Variants in PDZD7 observed in about 807,000 individuals in gnomAD.
PDZD7 encodes PDZ domain-containing protein 7.
In PDZD7, 72 loss-of-function variants were observed where a neutral mutation model predicts 84.7. The ratio of observed to expected loss-of-function variants is 0.85; its 90% confidence interval spans 0.70 to 1.03. The LOEUF (loss-of-function observed/expected upper bound fraction) is 1.03. Ranked by LOEUF, PDZD7 falls within the 50% of genes least tolerant of loss-of-function variation. The probability of loss-of-function intolerance (pLI) is 0.00; values close to 1 mark genes in which losing one functional copy is unlikely to be tolerated. For synonymous variants in PDZD7, 594 were observed against 580.7 expected (o/e 1.02, Z -0.33); for missense variants, 1,490 against 1,412.9 (o/e 1.05, Z -0.87).
chr10:101,022,521 G>T, intron 4 of PDZD7, 136 bp from the exon 5 acceptor site: 1 of 946,398 alleles, frequency 1.1e-6, no homozygotes, highest in Non-Finnish European at 1.6e-6. Context: ...CTGCAGTGGG[G>T]CATAGGTTCA....
chr10:101,010,316 C>T lies in PDZD7; in HGVS notation c.2573G>A (p.Gly858Asp), dbSNP rs779731654. 1 of 1,536,106 alleles carries T rather than the reference C, an allele frequency of 6.5e-7. No individual in the cohort carries two copies. Among genetic ancestry groups the T allele is most frequent in the South Asian group, 1.2e-5 (1 of 84,070 alleles). Residue 858 changes from glycine (G) to aspartate (D), a missense_variant, in exon 15 of 17, where the codon GGC becomes GAC. Physicochemically the swap from Gly to Asp is moderately conservative, Grantham distance 94. Transcript: ENST00000619208. Reference sequence around the variant, plus strand: ...GGACAGTGTCACTGTCTTCAGCTCGCCACTGGGGTTCTTCATGGCTGCCTC... The same window carrying T: ...GGACAGTGTCACTGTCTTCAGCTCGTCACTGGGGTTCTTCATGGCTGCCTC... ...AKEAAMKNPSGELKTVTLSKM... is the reference protein window; with the variant it reads ...AKEAAMKNPSDELKTVTLSKM...
In PDZD7 at chr10:101,024,034, G is replaced by C. The variant is rs1356498338; in HGVS notation, c.261C>G (p.Val87=). Residue 87 remains valine (V), a synonymous_variant, in exon 3 of 17, where the codon GTC becomes GTG. Coordinates refer to ENST00000619208, the MANE Select transcript of PDZD7 (RefSeq NM_001195263.2). ...NSDESDIIHS[V]RVEKSPAGRL... is the part of the protein sequence containing the mutation. ...TCCCTGCTGGACTCTTCTCCACCCG[G>C]ACTGAATGGATGATGTCACTTTCAT... 6.2e-7 allele frequency: 1 copy of C among 1,614,268 alleles called. No homozygotes were observed. Among genetic ancestry groups the C allele is most frequent in the East Asian group, 2.2e-5 (1 of 44,890 alleles).
At chr10:101,009,107 G>T in intron 16 of PDZD7, 143 bp downstream of exon 16, 2 of 814,564 alleles carry the variant, frequency 2.5e-6, no homozygotes, top group Non-Finnish European at 3.8e-6. Flanking sequence ...TGCTCATCCT[G>T]CTCACCTGAA....
intron 7 of PDZD7, among the ~76,000 whole-genome samples, chr10:101,019,681 A>C (rs1283852141): frequency 6.8e-6 from 1 of 147,528 alleles, no homozygotes; most frequent in Non-Finnish European, 1.5e-5. Context: ...ACTGGAGTGC[A>C]GTGATGTGAT....
At position 101,016,419 on chromosome 10, in the gene PDZD7, C is replaced by T. The variant is rs141289018; in HGVS notation, c.1531G>A (p.Val511Met). ...PRLDIEKAGG[V>M]GPVQKFVTWR... ...GTGACAAACTTCTGTACCGGGCCCACGCCCCCTGCTATGAAGAAGAAAGAG... is the reference window on the plus strand; with the variant it reads ...GTGACAAACTTCTGTACCGGGCCCATGCCCCCTGCTATGAAGAAGAAAGAG... The change falls in exon 10 of 17, where the codon GTG (valine) becomes ATG (methionine). Residue 511 changes from valine (V) to methionine (M), a missense_variant. By Grantham distance (21) the Val-to-Met change is conservative. Transcript: ENST00000619208. The T allele has an allele frequency of 1.9e-5, 30 of 1,550,636 alleles. No individual in the cohort carries two copies. Among genetic ancestry groups the T allele is most frequent in the East Asian group, 4.9e-5 (2 of 40,920 alleles).
rs957892090 is a variant in PDZD7, at chr10:101,009,495, C to T, written c.2618-145G>A. 4.4e-6 allele frequency: 3 copies of T among 685,336 alleles called. No individual in the cohort carries two copies. In the Admixed American group the frequency reaches 6.7e-5, roughly 15 times the overall value. 42.5% of individuals were successfully genotyped at this position (685,336 alleles called of 1,614,324 possible). On this transcript the variant is annotated intron_variant, in intron 15 of 16. Transcript: ENST00000619208. ...TTCTGTTACTACTCAAATCTCAACT[C>T]ATTCCAAAATCCTCCAGATCCCAGC...
At chr10:101,025,523 T>A (rs540145123) in intron 2 of PDZD7, among the ~76,000 whole-genome samples, 1 of 24,678 alleles carries the variant, frequency 4.1e-5, no homozygotes, top group African/African-American at 2.5e-4. Flanking sequence ...TGGAAGGGAT[T>A]TTATTTATTT....
intron 9 of PDZD7, chr10:101,017,842 A>AGAAAGAAAGAAAGAAAGAAAGAAAGAAAG (rs1852730697): frequency 3.7e-6 from 1 of 273,084 alleles, no homozygotes; most frequent in African/African-American, 5.3e-5. Context: ...AAGGAAGGAA[A>AGAAAGAAAGAAAGAAAGAAAGAAAGAAAG]GAAAGAAAGA....
At chr10:101,023,753 C>T in intron 3 of PDZD7, 143 bp from the exon 4 acceptor site, 1 of 1,419,448 alleles carries the variant, frequency 7.0e-7, no homozygotes, top group Non-Finnish European at 9.8e-7. Flanking sequence ...TTCCCAGTGC[C>T]TAGGGATCTG....
chr10:101,010,512 C>G lies in PDZD7; in HGVS notation c.2377G>C (p.Gly793Arg). 6.5e-7 allele frequency: 1 copy of G among 1,533,218 alleles called. No homozygotes were observed. Among genetic ancestry groups the G allele is most frequent in the Non-Finnish European group, 8.7e-7 (1 of 1,144,756 alleles). The allele number at this position is 1,533,218 out of a possible 1,614,324, so 95.0% of individuals were successfully genotyped here. A position where few individuals can be genotyped will look rare whatever the true frequency, so the allele number is the denominator to read the frequency against. Reference sequence around the variant, plus strand: ...GGCACCGGGGATGGGGAGCGTCTACCTGGAGACTTGCCTTGACCCCGGCTG... The same window carrying G: ...GGCACCGGGGATGGGGAGCGTCTACGTGGAGACTTGCCTTGACCCCGGCTG... Reference protein sequence around the residue: ...RSSRGQGKSPGRRSPSPVPTP... With the variant: ...RSSRGQGKSPRRRSPSPVPTP... Residue 793 changes from glycine to arginine, a missense_variant, in exon 15 of 17, where the codon GGT becomes CGT. Physicochemically the swap from Gly to Arg is moderately radical, Grantham distance 125. Transcript: ENST00000619208.
At chr10:101,010,911 C>T in intron 14 of PDZD7, 28 bp from the exon 15 acceptor site, 1 of 1,517,042 alleles carries the variant, frequency 6.6e-7, no homozygotes, top group Non-Finnish European at 8.7e-7. Context: ...GGTCAGCTGC[C>T]CACTCCTCCC....
At chr10:101,018,425 G>A in intron 8 of PDZD7, 129 bp from the exon 9 acceptor site, 1 of 987,538 alleles carries the variant, frequency 1.0e-6, no homozygotes, top group South Asian at 1.5e-5. Context: ...CTACGCCGGG[G>A]TGAGAGTGCG....
chr10:101,012,175 C>T lies in PDZD7; in HGVS notation c.1833G>A (p.Gln611=). The T allele has an allele frequency of 2.6e-6, 4 of 1,550,532 alleles. No homozygotes were observed. The highest frequency in any genetic ancestry group is 1.4e-5 in the African/African-American group (1 of 73,182). The change falls in exon 12 of 17, where the codon CAG becomes CAA. Residue 611 remains glutamine (Q), a synonymous_variant. Coordinates refer to ENST00000619208, the MANE Select transcript of PDZD7 (RefSeq NM_001195263.2). ...LDRPEKLLLL[Q]DIRSVVAPTD... is the part of the protein sequence containing the mutation. ...CTGCAACCTCCTCCCACCTGATGTC[C>T]TGCAGCAGTAGCAGCTTCTCCGGCC...
In PDZD7 at chr10:101,010,375, C is replaced by G. The variant is rs1852352193; in HGVS notation, c.2514G>C (p.Gly838=). The G allele has an allele frequency of 6.5e-7, 1 of 1,536,178 alleles. No individual in the cohort carries two copies. The highest frequency in any genetic ancestry group is 8.7e-7 in the Non-Finnish European group (1 of 1,146,914). ...GEAAKVGAKQ[G]PSESGTEGTA... is the part of the protein sequence containing the mutation. ...TCCCCTCAGTTCCACTCTCCGAGGGCCCTTGCTTGGCCCCCACCTTGGCTG... is the reference window on the plus strand; with the variant it reads ...TCCCCTCAGTTCCACTCTCCGAGGGGCCTTGCTTGGCCCCCACCTTGGCTG... The change falls in exon 15 of 17, where the codon GGG becomes GGC. Residue 838 remains glycine (G), a synonymous_variant. Transcript: ENST00000619208.
intron 6 of PDZD7, 104 bp downstream of exon 6, chr10:101,021,694 G>A: frequency 1.3e-6 from 2 of 1,529,380 alleles, no homozygotes; most frequent in Non-Finnish European, 9.1e-7. Context: ...ACCTTCTAGT[G>A]GCTGTGGGAA....
At chr10:101,023,274 C>T (rs758361445) in intron 4 of PDZD7, 162 bp downstream of exon 4, 6 of 777,628 alleles carry the variant, frequency 7.7e-6, no homozygotes, top group Non-Finnish European at 1.3e-5. Context: ...GGGAAAGATG[C>T]AGCCTCTCCT....
Position 101,008,490 on chromosome 10 carries a change from C to T in PDZD7, c.3079G>A (p.Ala1027Thr), listed in dbSNP as rs770512804. 69 of 1,510,962 alleles carry T rather than the reference C, an allele frequency of 4.6e-5. No homozygotes were observed. Among genetic ancestry groups the T allele is most frequent in the Non-Finnish European group, 5.2e-5 (59 of 1,135,256 alleles). The allele number at this position is 1,510,962 out of a possible 1,614,324, so 93.6% of individuals were successfully genotyped here. A position where few individuals can be genotyped will look rare whatever the true frequency, so the allele number is the denominator to read the frequency against. The change falls in exon 17 of 17, where the codon GCA (alanine) becomes ACA (threonine). Residue 1027 changes from alanine (A) to threonine (T), a missense_variant. Transcript: ENST00000619208. ...PALQTPDSKP[A>T]PSPRIP ...GGTCATGGGATGCGTGGGGAGGGTG[C>T]GGGCTTAGAATCAGGAGTCTGGAGG... is the stretch of plus-strand genomic sequence containing the variant.
At chr10:101,027,964 A>G (rs1222758424) in intron 2 of PDZD7, among the ~76,000 whole-genome samples, 1 of 152,198 alleles carries the variant, frequency 6.6e-6, no homozygotes, top group Non-Finnish European at 1.5e-5. Flanking sequence ...GACCAGTTGA[A>G]TTTAAGGAGC....
At chr10:101,026,663 TCACACACACACA>T (rs3051194) in intron 2 of PDZD7, among the ~76,000 whole-genome samples, 1,750 of 123,888 alleles carry the variant, frequency 0.014, 18 homozygotes, top group Middle Eastern at 0.02. Flanking sequence ...CAGGGAGAAA[TCACACACACACA>T]CACACACACA....
Sources: allele counts gnomAD v4.1 joint callset (sites outside exome capture counted in the v4.1 genomes callset), GRCh38; gene constraint gnomAD v4.1.1; transcripts MANE v1.5; gene names NCBI Gene and HGNC (gene_info 2026-07-23, HGNC 2026-07-21).